Variants in IQGAP2 observed in about 807,000 individuals in gnomAD.
IQGAP2 encodes the protein IQ motif containing GTPase activating protein 2.
Under a neutral mutation model 201.3 loss-of-function variants are expected in IQGAP2, and 173 were observed. The observed-to-expected ratio is 0.86, with a 90% CI of 0.76 to 0.98. The LOEUF (loss-of-function observed/expected upper bound fraction) is 0.98. Among genes scored for constraint, IQGAP2 ranks in the 50% least tolerant of loss-of-function variants. The pLI is 0.00. For synonymous variants in IQGAP2, 675 were observed against 673.9 expected, an observed-to-expected ratio of 1.00 and a Z score of -0.03; for missense variants, 1,687 against 1,864.8, an observed-to-expected ratio of 0.90 and a Z score of 1.76.
intron 9 of IQGAP2, among the ~76,000 whole-genome samples, chr5:76,593,563 G>C (rs1429621770): frequency 6.6e-6 from 1 of 152,140 alleles, no homozygotes; most frequent in African/African-American, 2.4e-5. Context: ...TGCAGGTTGA[G>C]ATACATCAAT....
At position 76,441,490 on chromosome 5, in the gene IQGAP2, C is replaced by A. The variant is rs77503481; in HGVS notation, c.47-20080C>A. 4,225 of 985,100 alleles carry A rather than the reference C, an allele frequency of 4.3e-3. 140 individuals are homozygous for A. In the African/African-American group the frequency reaches 0.065, roughly 15 times the overall value. The allele number at this position is 985,100 out of a possible 1,614,324, so 61.0% of individuals were successfully genotyped here. ...GAACCAAAAGAAAAAGAAGGAATTA[C>A]GAGCCTGGAAGAAAGCGAGCATGTT... is the stretch of plus-strand genomic sequence containing the variant. On this transcript the variant is annotated intron_variant, in intron 1 of 35. Transcript: ENST00000274364.
intron 1 of IQGAP2, among the ~76,000 whole-genome samples, chr5:76,443,342 G>A (rs1753161848): frequency 6.6e-6 from 1 of 152,158 alleles, no homozygotes; most frequent in African/African-American, 2.4e-5. Context: ...TTTTATGTAT[G>A]TGAGAGGATG....
intron 2 of IQGAP2, among the ~76,000 whole-genome samples, chr5:76,493,765 T>C (rs1160745043): frequency 1.3e-5 from 2 of 152,344 alleles, no homozygotes; most frequent in South Asian, 2.1e-4. Flanking sequence ...CAGTCAATAT[T>C]TGTCGAATGA....
At chr5:76,615,889 T>A (rs1748916099) in intron 13 of IQGAP2, 1 of 152,786 alleles carries the variant, frequency 6.5e-6, no homozygotes, top group Admixed American at 6.5e-5. Flanking sequence ...CTTTTTTGTA[T>A]GCCCAACCTG....
chr5:76,467,390 G>T (rs1754838997), intron 2 of IQGAP2, among the ~76,000 whole-genome samples: 1 of 152,146 alleles, frequency 6.6e-6, no homozygotes, highest in South Asian at 2.1e-4. Flanking sequence ...ATATGACAAG[G>T]TAGTCAACAT....
chr5:76,562,820 T>TC (rs2150255561), intron 3 of IQGAP2, among the ~76,000 whole-genome samples: 1 of 152,300 alleles, frequency 6.6e-6, no homozygotes, highest in African/African-American at 2.4e-5. Flanking sequence ...CTCTTGACTT[T>TC]ATTAGTGCCA....
At chr5:76,612,751 G>T (rs938497464) in intron 13 of IQGAP2, among the ~76,000 whole-genome samples, 2 of 151,952 alleles carry the variant, frequency 1.3e-5, no homozygotes, top group African/African-American at 4.8e-5. Flanking sequence ...TGTATGTGTT[G>T]GGGGAGGGGC....
chr5:76,506,681 T>C (rs1188945878), intron 2 of IQGAP2, among the ~76,000 whole-genome samples: 1 of 152,210 alleles, frequency 6.6e-6, no homozygotes, highest in Non-Finnish European at 1.5e-5. Context: ...AAGATTGCAA[T>C]GTAAAGATGA....
At chr5:76,621,327 A>T (rs1231597525) in intron 13 of IQGAP2, among the ~76,000 whole-genome samples, 1 of 152,228 alleles carries the variant, frequency 6.6e-6, no homozygotes, top group African/African-American at 2.4e-5. Flanking sequence ...GGTATCATTT[A>T]AGAAAAGGTA....
At position 76,446,673 on chromosome 5, in the gene IQGAP2, C is replaced by A. The variant is rs889725417; in HGVS notation, c.47-14897C>A. Among the ~76,000 whole-genome samples, 6 of 152,172 alleles carry A rather than the reference C, an allele frequency of 3.9e-5. 1 individual carries two copies. Among genetic ancestry groups the A allele is most frequent in the African/African-American group, 1.4e-4 (6 of 41,448 alleles). On this transcript the variant is annotated intron_variant, in intron 1 of 35. Coordinates refer to ENST00000274364, the MANE Select transcript of IQGAP2 (RefSeq NM_006633.5). The stretch of plus-strand genomic sequence containing the variant: ...CAAGTCATAGGTAGTAAGTTTATAA[C>A]AAGAATTCGTTTAGAACCAAATGGC...
intron 1 of IQGAP2, among the ~76,000 whole-genome samples, chr5:76,446,343 A>T (rs1200967808): frequency 6.6e-6 from 1 of 151,684 alleles, no homozygotes; most frequent in Non-Finnish European, 1.5e-5. Flanking sequence ...CACCTGCACC[A>T]CCACTCGTTG....
At chr5:76,623,361 G>T in intron 13 of IQGAP2, 2 of 1,057,418 alleles carry the variant, frequency 1.9e-6, no homozygotes, top group Non-Finnish European at 2.8e-6. Context: ...GCTCTCCTGT[G>T]CCGTGCAGGC....
chr5:76,420,461 C>T (rs1298423082), intron 1 of IQGAP2, among the ~76,000 whole-genome samples: 10 of 151,392 alleles, frequency 6.6e-5, no homozygotes, highest in Admixed American at 2.6e-4. Flanking sequence ...CTGCAATCTC[C>T]GCCTCCCGGG....
intron 2 of IQGAP2, among the ~76,000 whole-genome samples, chr5:76,466,265 G>T (rs1243178743): frequency 6.6e-6 from 1 of 152,126 alleles, no homozygotes; most frequent in African/African-American, 2.4e-5. Context: ...CACTCAGGAG[G>T]CTGAGGATGC....
intron 13 of IQGAP2, among the ~76,000 whole-genome samples, chr5:76,619,998 A>C (rs1749479347): frequency 1.3e-5 from 2 of 152,174 alleles, no homozygotes; most frequent in Non-Finnish European, 2.9e-5. Flanking sequence ...AGATTCTAGA[A>C]GCTGAAAAAA....
intron 21 of IQGAP2, among the ~76,000 whole-genome samples, chr5:76,662,778 T>C (rs772416771): frequency 1.3e-5 from 2 of 152,220 alleles, no homozygotes; most frequent in Non-Finnish European, 2.9e-5. Flanking sequence ...ACTTCCTTTC[T>C]TTGTACTGAA....
chr5:76,438,631 T>C (rs953988563), intron 1 of IQGAP2, among the ~76,000 whole-genome samples: 1 of 151,970 alleles, frequency 6.6e-6, no homozygotes, highest in Non-Finnish European at 1.5e-5. Flanking sequence ...TTAGCAGAGA[T>C]GGACTTTCAC....
At chr5:76,430,631 T>C (rs1272791942) in intron 1 of IQGAP2, among the ~76,000 whole-genome samples, 2 of 152,144 alleles carry the variant, frequency 1.3e-5, no homozygotes, top group Non-Finnish European at 2.9e-5. Context: ...CTCCCCAGAT[T>C]CAAGGAGAAG....
chr5:76,466,156 C>T (rs571176596), intron 2 of IQGAP2, among the ~76,000 whole-genome samples: 131 of 151,568 alleles, frequency 8.6e-4, no homozygotes, highest in African/African-American at 2.3e-3. Flanking sequence ...GGTAATGTAG[C>T]GAAACCCTGT....
Sources: allele counts gnomAD v4.1 joint callset (sites outside exome capture counted in the v4.1 genomes callset), GRCh38; gene constraint gnomAD v4.1.1; transcripts MANE v1.5; gene names NCBI Gene and HGNC (gene_info 2026-07-23, HGNC 2026-07-21).